MOXD1: variants seen among roughly 807,000 people sequenced by gnomAD.
MOXD1 encodes the protein DBH-like monooxygenase protein 1.
In MOXD1, 62 loss-of-function variants were observed where a neutral mutation model predicts 66.6. The ratio of observed to expected loss-of-function variants is 0.93; its 90% CI spans 0.76 to 1.15. MOXD1 has a LOEUF of 1.15. Among genes scored for constraint, MOXD1 ranks in the 50% most tolerant of loss-of-function variants. The probability of loss-of-function intolerance (pLI) is 0.00; values close to 1 mark genes in which losing one functional copy is unlikely to be tolerated. For missense variants in MOXD1, 847 were observed against 754.6 expected (o/e 1.12, Z -1.44); for synonymous variants, 303 against 281.9 (o/e 1.07, Z -0.75).
intron 10 of MOXD1, among the ~76,000 whole-genome samples, chr6:132,303,831 GTGTGTA>G (rs1370861805): frequency 7.8e-4 from 52 of 66,700 alleles, no homozygotes; most frequent in African/African-American, 1.0e-3. Flanking sequence ...GTGTGTGTGT[GTGTGTA>G]TATATATATA....
At chr6:132,401,065 G>A (rs1315311849) in intron 1 of MOXD1, 98 bp downstream of exon 1, 14 of 1,336,682 alleles carry the variant, frequency 1.0e-5, no homozygotes, top group Non-Finnish European at 1.1e-5. Context: ...AGGTGAGAGA[G>A]AGCTGCGGGC....
intron 4 of MOXD1, among the ~76,000 whole-genome samples, 194 bp downstream of exon 4, chr6:132,372,414 C>G (rs1357582110): frequency 6.6e-6 from 1 of 152,044 alleles, no homozygotes; most frequent in Non-Finnish European, 1.5e-5. Flanking sequence ...AGGAGATAAC[C>G]AAAATATTAG....
chr6:132,331,596 C>T (rs1019951286), intron 4 of MOXD1, among the ~76,000 whole-genome samples: 2 of 152,028 alleles, frequency 1.3e-5, no homozygotes, highest in Non-Finnish European at 2.9e-5. Flanking sequence ...TTTATTTAGA[C>T]CTACTATCTA....
At chr6:132,361,351 G>A (rs1032649582) in intron 4 of MOXD1, among the ~76,000 whole-genome samples, 5 of 150,804 alleles carry the variant, frequency 3.3e-5, no homozygotes, top group African/African-American at 1.2e-4. Context: ...ATGCATCAAG[G>A]AATAAACTAT....
At chr6:132,326,417 C>T (rs2114579324) in intron 6 of MOXD1, among the ~76,000 whole-genome samples, 1 of 151,850 alleles carries the variant, frequency 6.6e-6, no homozygotes, top group East Asian at 1.9e-4. Flanking sequence ...AAGCCTTCTA[C>T]TTTTGTAATA....
intron 4 of MOXD1, among the ~76,000 whole-genome samples, chr6:132,346,612 T>G (rs1425040901): frequency 6.6e-6 from 1 of 152,218 alleles, no homozygotes; most frequent in Non-Finnish European, 1.5e-5. Flanking sequence ...TAAGTTCTGT[T>G]CTATCTGGTA....
chr6:132,339,744 G>A (rs1399149966), intron 4 of MOXD1, among the ~76,000 whole-genome samples: 7 of 152,084 alleles, frequency 4.6e-5, no homozygotes, highest in African/African-American at 1.7e-4. Context: ...CTTTCCCCTG[G>A]ATGTGAAAGA....
At chr6:132,351,240 C>A (rs1468270780) in intron 4 of MOXD1, among the ~76,000 whole-genome samples, 1 of 152,060 alleles carries the variant, frequency 6.6e-6, no homozygotes, top group Admixed American at 6.6e-5. Context: ...GGAATGCTTG[C>A]AACTTTTCCT....
chr6:132,308,657 A>G (rs1774751310), intron 10 of MOXD1, among the ~76,000 whole-genome samples: 2 of 152,328 alleles, frequency 1.3e-5, no homozygotes, highest in Admixed American at 1.3e-4. Flanking sequence ...CAGCACATCA[A>G]AAAACTTATC....
chr6:132,299,563 AGACAGAAGAAGT>A (rs1243433152), intron 10 of MOXD1, among the ~76,000 whole-genome samples: 2 of 152,208 alleles, frequency 1.3e-5, no homozygotes, highest in African/African-American at 4.8e-5. Flanking sequence ...TGACATGAGC[AGACAGAAGAAGT>A]GACAGAAAAA....
At chr6:132,353,639 C>A (rs1199595815) in intron 4 of MOXD1, among the ~76,000 whole-genome samples, 2 of 152,050 alleles carry the variant, frequency 1.3e-5, no homozygotes, top group African/African-American at 4.8e-5. Flanking sequence ...GATGATGTGC[C>A]TAGGTGATTA....
chr6:132,373,481 C>T (rs545113026), intron 2 of MOXD1, among the ~76,000 whole-genome samples: 39 of 152,280 alleles, frequency 2.6e-4, no homozygotes, highest in African/African-American at 9.2e-4. Context: ...TAGGCACTAG[C>T]CTAGTCACAC....
chr6:132,349,951 C>A (rs1302325984), intron 4 of MOXD1, among the ~76,000 whole-genome samples: 1 of 152,050 alleles, frequency 6.6e-6, no homozygotes, highest in Non-Finnish European at 1.5e-5. Context: ...ATGTCCTTAG[C>A]CTACTTTTTG....
chr6:132,366,207 T>G (rs1776119241), intron 4 of MOXD1, among the ~76,000 whole-genome samples: 2 of 152,100 alleles, frequency 1.3e-5, no homozygotes, highest in Admixed American at 1.3e-4. Flanking sequence ...GTTAATTTAT[T>G]TCAACATGAA....
At chr6:132,319,997 T>C (rs538962430) in intron 9 of MOXD1, among the ~76,000 whole-genome samples, 1 of 152,298 alleles carries the variant, frequency 6.6e-6, no homozygotes, top group African/African-American at 2.4e-5. Context: ...GATTTGTATA[T>C]AAAAAAGGAT....
At chr6:132,392,430 A>G in intron 1 of MOXD1, 1 of 1,334,616 alleles carries the variant, frequency 7.5e-7, no homozygotes, top group Non-Finnish European at 1.0e-6. Context: ...TCTAATTCAC[A>G]CAAACTCAGC....
intron 10 of MOXD1, 29 bp from the exon 11 acceptor site, chr6:132,297,984 T>C (rs757291571): frequency 6.3e-7 from 1 of 1,576,098 alleles, no homozygotes; most frequent in Non-Finnish European, 8.6e-7. Flanking sequence ...GTTAGTCATA[T>C]TCAGAACAAA....
intron 4 of MOXD1, among the ~76,000 whole-genome samples, chr6:132,353,716 T>C (rs1775851666): frequency 6.6e-6 from 1 of 152,172 alleles, no homozygotes. Context: ...GGTCTCTAGC[T>C]AGGCCAAGGA....
chr6:132,398,664 G>C lies in MOXD1; in HGVS notation c.264+2499C>G, dbSNP rs9493305. Among the ~76,000 whole-genome samples, 12 of 152,088 alleles carry C rather than the reference G, an allele frequency of 7.9e-5. No individual in the cohort carries two copies. In the Middle Eastern group the frequency reaches 0.01, roughly 129 times the overall value. On this transcript the variant is annotated intron_variant, in intron 1 of 11. Coordinates refer to ENST00000367963, the MANE Select transcript of MOXD1 (RefSeq NM_015529.4). ...ATTTAAGAATCCTATTTATGGCCTG[G>C]CGTGGTGGCTCACGCCTGTAATCCC...
Sources: allele counts gnomAD v4.1 joint callset (sites outside exome capture counted in the v4.1 genomes callset), GRCh38; gene constraint gnomAD v4.1.1; transcripts MANE v1.5; gene names NCBI Gene and HGNC (gene_info 2026-07-23, HGNC 2026-07-21).